ZNF595: variants seen among roughly 807,000 people sequenced by gnomAD.
ZNF595 encodes zinc finger protein 595.
ZNF595 carries 9 observed loss-of-function variants against 19.4 expected under a neutral mutation model. That is an observed-to-expected ratio of 0.46 (90% CI 0.28 to 0.81). The LOEUF is 0.81. Among genes scored for constraint, ZNF595 ranks in the 30% least tolerant of loss-of-function variants. The probability of loss-of-function intolerance (pLI) is 0.11; values close to 1 mark genes in which losing one functional copy is unlikely to be tolerated. For missense variants in ZNF595, 729 were observed against 736.0 expected, an observed-to-expected ratio of 0.99 and a Z score of 0.11; for synonymous variants, 255 against 255.9, an observed-to-expected ratio of 1.00 and a Z score of 0.03.
rs3789149 is a variant in ZNF595 at position 86,908 on chromosome 4, C to T, written c.1404C>T (p.Asn468=). The change falls in exon 4 of 4, where the codon AAC becomes AAT. Residue 468 remains asparagine (N), a synonymous_variant. Coordinates refer to ENST00000610261, the MANE Select transcript of ZNF595 (RefSeq NM_182524.4). The part of the protein sequence containing the change: ...GKAFTRSTTL[N]EHKKIHTGEK... ...CCTTTACACGGTCCACAACACTGAACGAACATAAGAAAATTCATACTGGCG... is the reference window on the plus strand; with the variant it reads ...CCTTTACACGGTCCACAACACTGAATGAACATAAGAAAATTCATACTGGCG... 0.19 allele frequency: 311,790 copies of T among 1,601,374 alleles called. 32,738 individuals carry two copies. Among genetic ancestry groups the T allele is most frequent in the South Asian group, 0.36 (32,260 of 90,610 alleles).
intron 3 of ZNF595, among the ~76,000 whole-genome samples, chr4:78,085 T>C (rs939754017): frequency 1.3e-5 from 2 of 152,166 alleles, no homozygotes; most frequent in Admixed American, 6.5e-5. Flanking sequence ...CTCGGCTCAC[T>C]GTAAGCTCCG....
At chr4:60,615 T>G (rs1712812206) in intron 3 of ZNF595, 1 of 387,638 alleles carries the variant, frequency 2.6e-6, no homozygotes, top group Admixed American at 3.7e-5. Flanking sequence ...TAGTGATTTT[T>G]TTTTTTAATT....
At chr4:72,195 A>G (rs1197454215) in intron 3 of ZNF595, among the ~76,000 whole-genome samples, 1 of 152,226 alleles carries the variant, frequency 6.6e-6, no homozygotes, top group Non-Finnish European at 1.5e-5. Context: ...TCAAAGAGGC[A>G]TACAAATGTG....
At position 86,987 on chromosome 4, in the gene ZNF595, C is replaced by G. The variant is rs1553801902; in HGVS notation, c.1483C>G (p.Leu495Val). Residue 495 changes from leucine (L) to valine (V), a missense_variant, in exon 4 of 4, where the codon CTG (leucine) becomes GTG (valine). This residue lies in a region of ZNF595 where 729 missense variants were observed against 675.3 expected (regional missense o/e 1.08). Transcript: ENST00000610261. ...CAAAGCTTTCATATGGTCCGCAAGC[C>G]TGAATGAACATAAGAATATTCATAC... ...CGKAFIWSAS[L>V]NEHKNIHTGE... 3.1e-6 allele frequency: 5 copies of G among 1,613,928 alleles called. No individual in the cohort carries two copies. Among genetic ancestry groups the G allele is most frequent in the Non-Finnish European group, 4.2e-6 (5 of 1,179,960 alleles).
In ZNF595 at chr4:71,101, G is replaced by A. The variant is rs140000389; in HGVS notation, c.226+10948G>A. Among the ~76,000 whole-genome samples, 355 of 151,984 alleles carry A rather than the reference G, an allele frequency of 2.3e-3. 1 individual carries two copies. The highest frequency in any genetic ancestry group is 8.3e-3 in the African/African-American group (344 of 41,442). On this transcript the variant is annotated intron_variant, in intron 3 of 3. Coordinates refer to ENST00000610261, the MANE Select transcript of ZNF595 (RefSeq NM_182524.4). ...ATTCCTAGGTATTTAATTTTAATTT[G>A]TGGCTATTGTAAATGGGATTACTCT...
intron 3 of ZNF595, among the ~76,000 whole-genome samples, chr4:63,204 T>G (rs1278184081): frequency 4.1e-5 from 6 of 144,688 alleles, no homozygotes; most frequent in Non-Finnish European, 7.5e-5. Context: ...TATACTCTTT[T>G]GATTACCATG....
Position 86,758 on chromosome 4 carries a change from T to C in ZNF595, c.1254T>C (p.His418=), listed in dbSNP as rs782232315. 1 of 1,613,902 alleles carries C rather than the reference T, an allele frequency of 6.2e-7. No individual in the cohort carries two copies. The highest frequency in any genetic ancestry group is 8.5e-7 in the Non-Finnish European group (1 of 1,179,890). ...ACCTTGCTAAACATAAGAGAATTCA[T>C]ACTGGAGAGAAACCCTACACGTGCG... ...SSHLAKHKRI[H]TGEKPYTCEE... Residue 418 remains histidine, a synonymous_variant, in exon 4 of 4, where the codon CAT becomes CAC. Transcript: ENST00000610261.
At chr4:82,249 A>G (rs1353082467) in intron 3 of ZNF595, among the ~76,000 whole-genome samples, 2 of 151,902 alleles carry the variant, frequency 1.3e-5, no homozygotes, top group Non-Finnish European at 2.9e-5. Context: ...TGTGACAGAG[A>G]TTGCATTTAA....
chr4:80,995 T>C (rs1357473106), intron 3 of ZNF595, among the ~76,000 whole-genome samples: 5 of 151,900 alleles, frequency 3.3e-5, no homozygotes, highest in African/African-American at 9.7e-5. Flanking sequence ...CCCCACCCCC[T>C]CTGACAGGCC....
chr4:87,641 C>T lies in ZNF595; in HGVS notation c.*190C>T, dbSNP rs187381341. 2,122 of 441,680 alleles carry T rather than the reference C, an allele frequency of 4.8e-3. 23 individuals are homozygous for T. The highest frequency in any genetic ancestry group is 0.043 in the Middle Eastern group (77 of 1,772). 27.4% of individuals were successfully genotyped at this position (441,680 alleles called of 1,614,324 possible). ...ATACAGGCATATGACATGTAATTAT[C>T]ACATCAGAGTAAATGAGTTATTCTT... On this transcript the variant is annotated 3_prime_UTR_variant, in exon 4 of 4. Coordinates refer to ENST00000610261, the MANE Select transcript of ZNF595 (RefSeq NM_182524.4).
At chr4:83,619 C>CAAAAAAAAAAAA (rs71164492) in intron 3 of ZNF595, among the ~76,000 whole-genome samples, 25 of 38,532 alleles carry the variant, frequency 6.5e-4, no homozygotes, top group Non-Finnish European at 1.0e-3. Context: ...GACTCCGTCT[C>CAAAAAAAAAAAA]AAAAAAAAAA....
intron 3 of ZNF595, among the ~76,000 whole-genome samples, chr4:84,677 C>T (rs1371188973): frequency 2.0e-5 from 3 of 152,084 alleles, no homozygotes; most frequent in Non-Finnish European, 4.4e-5. Flanking sequence ...GTGTATGTAT[C>T]CTAGTTGAAG....
At chr4:81,736 G>C (rs1402648515) in intron 3 of ZNF595, among the ~76,000 whole-genome samples, 2 of 152,048 alleles carry the variant, frequency 1.3e-5, no homozygotes, top group Non-Finnish European at 2.9e-5. Flanking sequence ...TCTGTTTTCT[G>C]TTTTAGAGTC....
intron 3 of ZNF595, among the ~76,000 whole-genome samples, chr4:78,322 TTC>T (rs1713761593): frequency 6.6e-6 from 1 of 152,196 alleles, no homozygotes; most frequent in Non-Finnish European, 1.5e-5. Flanking sequence ...GTTTTAATCT[TTC>T]TGTTTGCCTG....
chr4:69,879 T>C (rs1262266099), intron 3 of ZNF595, among the ~76,000 whole-genome samples: 3 of 152,212 alleles, frequency 2.0e-5, no homozygotes, highest in African/African-American at 7.2e-5. Context: ...ACCAATGTTT[T>C]CTTGCAGTAG....
chr4:87,259 T>TCATA lies in ZNF595; in HGVS notation c.1757_1760dup (p.Gly588TyrfsTer9). 6.3e-7 allele frequency: 1 copy of TCATA among 1,594,564 alleles called. No homozygotes were observed. The highest frequency in any genetic ancestry group is 8.6e-7 in the Non-Finnish European group (1 of 1,167,400). The stretch of plus-strand genomic sequence containing the variant: ...CAACCCTTACTAAACATAAGAGAAT[T>TCATA]CATACTGGAGAGAAACCCTTCACAT... On this transcript the variant is annotated frameshift_variant, in exon 4 of 4. Coordinates refer to ENST00000610261, the MANE Select transcript of ZNF595 (RefSeq NM_182524.4). LOFTEE classifies it high-confidence loss of function.
At position 87,046 on chromosome 4, in the gene ZNF595, C is replaced by T. The variant is rs1553801918; in HGVS notation, c.1542C>T (p.Gly514=). The change falls in exon 4 of 4, where the codon GGC becomes GGT. Residue 514 remains glycine, a synonymous_variant. Transcript: ENST00000610261. ...GEKPYKCKEC[G]KAFNQSSGLI... Reference sequence around the variant, plus strand: ...AACCCTACAAATGTAAAGAATGTGGCAAAGCTTTTAACCAATCCTCAGGCC... The same window carrying T: ...AACCCTACAAATGTAAAGAATGTGGTAAAGCTTTTAACCAATCCTCAGGCC... 5 of 1,613,920 alleles carry T rather than the reference C, an allele frequency of 3.1e-6. No individual in the cohort carries two copies. The highest frequency in any genetic ancestry group is 2.2e-5 in the East Asian group (1 of 44,848).
rs1412469883 is a variant in ZNF595 at position 73,178 on chromosome 4, A to T, written c.227-12553A>T. 2.6e-5 allele frequency among the ~76,000 whole-genome samples: 4 copies of T among 152,206 alleles called. 1 individual carries two copies. The South Asian group carries it at 8.3e-4, about 31-fold the overall frequency. On this transcript the variant is annotated intron_variant, in intron 3 of 3. Transcript: ENST00000610261. ...CATTGGGGAAAGCACCAAGCATAAG[A>T]CCTGCAAGCATCTCCAAAATGAGGC...
At chr4:70,717 T>C (rs1553797755) in intron 3 of ZNF595, among the ~76,000 whole-genome samples, 1 of 152,192 alleles carries the variant, frequency 6.6e-6, no homozygotes, top group Non-Finnish European at 1.5e-5. Flanking sequence ...TCTCTACTGT[T>C]TTACTGATCA....
Sources: gnomAD v4.1 joint callset for allele counts (sites outside exome capture counted in the v4.1 genomes callset) on GRCh38, gnomAD v4.1.1 for gene constraint, gnomAD v4.1.1 regional missense constraint, MANE v1.5 for transcripts, NCBI Gene and HGNC (gene_info 2026-07-23, HGNC 2026-07-21) for gene names.